Variants in MCTP1 observed in about 807,000 individuals in gnomAD.
MCTP1 encodes the protein multiple C2 and transmembrane domain containing 1.
Under a neutral mutation model 120.6 loss-of-function variants are expected in MCTP1, and 69 were observed. That is an observed-to-expected ratio of 0.57 (90% CI 0.47 to 0.70). The LOEUF (loss-of-function observed/expected upper bound fraction) is 0.70, where lower values mean the gene tolerates loss of function less well. MCTP1 is among the 30% of genes least tolerant of loss of function. The pLI, the probability that MCTP1 is intolerant of heterozygous loss-of-function variation, is 0.00. For missense variants in MCTP1, 1,203 were observed against 1,248.8 expected (o/e 0.96, Z 0.55); for synonymous variants, 529 against 493.1 (o/e 1.07, Z -0.96).
intron 19 of MCTP1, among the ~76,000 whole-genome samples, chr5:94,751,191 C>T (rs1215049564): frequency 1.3e-5 from 2 of 152,038 alleles, no homozygotes; most frequent in East Asian, 3.8e-4. Flanking sequence ...GACCAAGGGC[C>T]TTTCTCTCCT....
At chr5:94,878,937 G>A (rs1799482803) in intron 12 of MCTP1, among the ~76,000 whole-genome samples, 1 of 152,042 alleles carries the variant, frequency 6.6e-6, no homozygotes, top group Non-Finnish European at 1.5e-5. Context: ...GGGCCTCATT[G>A]AGAAGGTGAG....
intron 17 of MCTP1, among the ~76,000 whole-genome samples, chr5:94,822,314 G>GT (rs1785861291): frequency 6.6e-6 from 1 of 152,032 alleles, no homozygotes; most frequent in Non-Finnish European, 1.5e-5. Context: ...GCGGTGTTTG[G>GT]TTTTCTGTTC....
chr5:94,884,432 G>T (rs984987573), intron 12 of MCTP1, among the ~76,000 whole-genome samples: 1 of 151,990 alleles, frequency 6.6e-6, no homozygotes, highest in African/African-American at 2.4e-5. Context: ...GTCCCCATGC[G>T]GCCTGCTCTA....
At chr5:95,168,028 G>A (rs1746665706) in intron 1 of MCTP1, among the ~76,000 whole-genome samples, 1 of 152,086 alleles carries the variant, frequency 6.6e-6, no homozygotes, top group South Asian at 2.1e-4. Context: ...TATGGTTTTA[G>A]GTCTAACATT....
At chr5:95,073,421 G>A (rs894219914) in intron 1 of MCTP1, among the ~76,000 whole-genome samples, 2 of 152,064 alleles carry the variant, frequency 1.3e-5, no homozygotes, top group Non-Finnish European at 2.9e-5. Flanking sequence ...GCTCTCCCTC[G>A]ACACTGTCCC....
Position 94,706,578 on chromosome 5 carries a change from G to GTTTGT in MCTP1, c.*917_*918insACAAA, listed in dbSNP as rs1554073996. ...TTTCAGTAATCTAATGAGAAAGCAGGTTTTTTTTTTCTCTGAGAGCACTTG... is the reference window on the plus strand; with the variant it reads ...TTTCAGTAATCTAATGAGAAAGCAGGTTTGTTTTTTTTTTTCTCTGAGAGCACTTG... On this transcript the variant is annotated 3_prime_UTR_variant, in exon 23 of 23. Coordinates refer to ENST00000515393, the MANE Select transcript of MCTP1 (RefSeq NM_024717.7). 2.0e-5 allele frequency: 3 copies of GTTTGT among 146,670 alleles called. No individual in the cohort carries two copies. The highest frequency in any genetic ancestry group is 3.0e-5 in the Non-Finnish European group (2 of 66,592). The allele number at this position is 146,670 out of a possible 1,614,324, so 9.1% of individuals were successfully genotyped here.
At chr5:94,862,932 T>C (rs1225240925) in intron 17 of MCTP1, among the ~76,000 whole-genome samples, 1 of 151,864 alleles carries the variant, frequency 6.6e-6, no homozygotes, top group African/African-American at 2.4e-5. Flanking sequence ...TCAATACTTC[T>C]TGACTCTGCA....
chr5:95,108,679 C>A (rs777434525), intron 1 of MCTP1, among the ~76,000 whole-genome samples: 1 of 152,194 alleles, frequency 6.6e-6, no homozygotes, highest in Non-Finnish European at 1.5e-5. Context: ...AGCTAGACAC[C>A]TTTGCGTTTT....
At chr5:94,771,638 A>C (rs1774105440) in intron 19 of MCTP1, among the ~76,000 whole-genome samples, 1 of 152,214 alleles carries the variant, frequency 6.6e-6, no homozygotes. Flanking sequence ...ATATTATATG[A>C]AAAATTGTGT....
At chr5:95,028,323 G>A (rs1336868621) in intron 1 of MCTP1, among the ~76,000 whole-genome samples, 1 of 152,070 alleles carries the variant, frequency 6.6e-6, no homozygotes, top group Admixed American at 6.6e-5. Flanking sequence ...CAATCCTCTG[G>A]TCATAACAAA....
chr5:95,003,315 ATT>A (rs1834086281), intron 2 of MCTP1, among the ~76,000 whole-genome samples: 1 of 152,180 alleles, frequency 6.6e-6, no homozygotes, highest in Non-Finnish European at 1.5e-5. Context: ...AATACTTGCA[ATT>A]GTGTTACAAT....
intron 17 of MCTP1, among the ~76,000 whole-genome samples, chr5:94,807,645 C>T (rs1162159838): frequency 6.6e-6 from 1 of 152,136 alleles, no homozygotes; most frequent in East Asian, 1.9e-4. Flanking sequence ...CTGCCACTTT[C>T]CTCCCTAGGG....
intron 11 of MCTP1, among the ~76,000 whole-genome samples, chr5:94,891,534 T>A (rs780089081): frequency 6.6e-6 from 1 of 152,152 alleles, no homozygotes; most frequent in Non-Finnish European, 1.5e-5. Context: ...AAGACGAATA[T>A]AATCAGTCCT....
intron 2 of MCTP1, among the ~76,000 whole-genome samples, chr5:94,985,565 C>T (rs1339122442): frequency 6.6e-6 from 1 of 152,124 alleles, no homozygotes; most frequent in Non-Finnish European, 1.5e-5. Context: ...AAACAGATTC[C>T]AAACCCAAGT....
intron 2 of MCTP1, among the ~76,000 whole-genome samples, chr5:94,962,226 A>G (rs1270634939): frequency 6.6e-6 from 1 of 152,106 alleles, no homozygotes; most frequent in East Asian, 1.9e-4. Context: ...CACTATGGAA[A>G]ATGGTGTGGA....
chr5:94,803,533 T>C (rs1204439895), intron 17 of MCTP1, among the ~76,000 whole-genome samples: 2 of 152,216 alleles, frequency 1.3e-5, no homozygotes, highest in Non-Finnish European at 2.9e-5. Context: ...ACTATTTACT[T>C]GGCAGATTTG....
intron 10 of MCTP1, among the ~76,000 whole-genome samples, chr5:94,904,383 G>A (rs918989470): frequency 4.6e-5 from 7 of 152,148 alleles, no homozygotes; most frequent in Non-Finnish European, 7.3e-5. Flanking sequence ...TGCTACCCCA[G>A]AGTGTAAAGC....
At chr5:94,930,508 A>C (rs1210235034) in intron 6 of MCTP1, among the ~76,000 whole-genome samples, 1 of 151,906 alleles carries the variant, frequency 6.6e-6, no homozygotes, top group Non-Finnish European at 1.5e-5. Context: ...TCCTGACCTC[A>C]AGTAATCCAC....
chr5:94,745,342 C>A (rs1317916727), intron 19 of MCTP1, among the ~76,000 whole-genome samples: 1 of 152,202 alleles, frequency 6.6e-6, no homozygotes. Context: ...GATAAAGGAG[C>A]TGCACTGGCT....
Sources: allele counts gnomAD v4.1 joint callset (sites outside exome capture counted in the v4.1 genomes callset), GRCh38; gene constraint gnomAD v4.1.1; transcripts MANE v1.5; gene names NCBI Gene and HGNC (gene_info 2026-07-23, HGNC 2026-07-21).